Variants in LAMC1 observed in about 807,000 individuals in gnomAD.
The protein encoded by LAMC1 is laminin subunit gamma 1.
Under a neutral mutation model 173.6 loss-of-function variants are expected in LAMC1, and 38 were observed. The observed-to-expected ratio is 0.22, with a 90% CI of 0.17 to 0.29. The LOEUF is 0.29. Among genes scored for constraint, LAMC1 ranks in the 10% least tolerant of loss-of-function variants. LAMC1 has a pLI of 1.00. For synonymous variants in LAMC1, 746 were observed against 749.1 expected (o/e 1.00, Z 0.07); for missense variants, 1,824 against 2,051.8 (o/e 0.89, Z 2.14).
At chr1:183,111,970 C>T (rs530252458) in intron 4 of LAMC1, among the ~76,000 whole-genome samples, 4 of 152,204 alleles carry the variant, frequency 2.6e-5, no homozygotes, top group South Asian at 2.1e-4. Context: ...ACCTGGGAGG[C>T]GGAGGTTGCA....
chr1:183,137,538 A>C (rs1656980021), intron 25 of LAMC1, 131 bp from the exon 26 acceptor site: 1 of 478,826 alleles, frequency 2.1e-6, no homozygotes. Context: ...GTCATGAGAT[A>C]GTATAAATCA....
rs1214459303 is a variant in LAMC1 at position 183,142,831 on chromosome 1, G to T, written c.*41G>T. On this transcript the variant is annotated 3_prime_UTR_variant, in exon 28 of 28. Coordinates refer to ENST00000258341, the MANE Select transcript of LAMC1 (RefSeq NM_002293.4). ...AAGGCAGCATCCCTCTGACAGGGGG[G>T]CAGTTGTGAGGCCACAGAGTGCCTT... 2.6e-6 allele frequency: 4 copies of T among 1,563,532 alleles called. No individual in the cohort carries two copies. Among genetic ancestry groups the T allele is most frequent in the Admixed American group, 3.7e-5 (2 of 53,356 alleles).
chr1:183,059,835 C>T (rs3935384), intron 1 of LAMC1, among the ~76,000 whole-genome samples: 76,304 of 152,012 alleles, frequency 0.5, 19,793 homozygotes, highest in South Asian at 0.64. Context: ...TTACCACTTA[C>T]AAACTACGTG....
intron 1 of LAMC1, among the ~76,000 whole-genome samples, chr1:183,037,556 C>T (rs1229762479): frequency 6.6e-6 from 1 of 152,140 alleles, no homozygotes; most frequent in Non-Finnish European, 1.5e-5. Context: ...CTTTCTTTGT[C>T]AGTATTAACA....
intron 1 of LAMC1, among the ~76,000 whole-genome samples, chr1:183,030,611 A>G (rs1287594500): frequency 1.3e-5 from 2 of 152,170 alleles, no homozygotes; most frequent in Non-Finnish European, 1.5e-5. Flanking sequence ...TAAATGTAGT[A>G]TGTGGTTTTA....
At chr1:183,114,792 C>G in intron 5 of LAMC1, 73 bp downstream of exon 5, 1 of 1,462,800 alleles carries the variant, frequency 6.8e-7, no homozygotes, top group Middle Eastern at 2.2e-4. Flanking sequence ...AGCTTTGTTT[C>G]CAAGGCATTT....
intron 1 of LAMC1, among the ~76,000 whole-genome samples, chr1:183,080,183 G>A (rs1655232261): frequency 6.6e-6 from 1 of 152,166 alleles, no homozygotes; most frequent in South Asian, 2.1e-4. Context: ...AGCGGAGGTT[G>A]CAGTGAGCCG....
chr1:183,131,055 TC>T (rs1656770409), intron 19 of LAMC1, among the ~76,000 whole-genome samples: 1 of 151,222 alleles, frequency 6.6e-6, no homozygotes, highest in Non-Finnish European at 1.5e-5. Context: ...ATGCCTGTAA[TC>T]CCGGCTACTT....
In LAMC1 at chr1:183,115,778, G is replaced by A. The variant is rs980284310; in HGVS notation, c.1328+141G>A. On this transcript the variant is annotated intron_variant, in intron 6 of 27. Coordinates refer to ENST00000258341, the MANE Select transcript of LAMC1 (RefSeq NM_002293.4). ...AACAAGACTGAGGACTAGCTGTAAT[G>A]GTGAGCCACAAGGGGTTTGGCTTGT... 1.1e-5 allele frequency: 7 copies of A among 663,906 alleles called. No homozygotes were observed. The African/African-American group carries it at 1.3e-4, about 12-fold the overall frequency. The allele number at this position is 663,906 out of a possible 1,614,324, so 41.1% of individuals were successfully genotyped here.
chr1:183,085,835 T>C (rs1316660697), intron 1 of LAMC1, among the ~76,000 whole-genome samples: 1 of 152,254 alleles, frequency 6.6e-6, no homozygotes, highest in Non-Finnish European at 1.5e-5. Flanking sequence ...ATAATTGGTT[T>C]AGCCTCATAC....
chr1:183,024,488 C>T (rs2102001323), intron 1 of LAMC1, among the ~76,000 whole-genome samples: 1 of 152,280 alleles, frequency 6.6e-6, no homozygotes, highest in Non-Finnish European at 1.5e-5. Context: ...TCTTTGCTAG[C>T]AAGGTCATCA....
intron 1 of LAMC1, among the ~76,000 whole-genome samples, chr1:183,032,487 G>T (rs10911201): frequency 0.5 from 75,979 of 151,772 alleles, 19,684 homozygotes; most frequent in South Asian, 0.64. Flanking sequence ...GGAGGAGATA[G>T]TAATTCAAAA....
intron 1 of LAMC1, among the ~76,000 whole-genome samples, chr1:183,070,615 G>A (rs937798559): frequency 5.9e-5 from 9 of 152,290 alleles, no homozygotes; most frequent in Non-Finnish European, 1.2e-4. Flanking sequence ...AATAAATGCT[G>A]TATCTAGTTA....
chr1:183,044,847 A>G (rs1326580592), intron 1 of LAMC1, among the ~76,000 whole-genome samples: 1 of 151,880 alleles, frequency 6.6e-6, no homozygotes, highest in Non-Finnish European at 1.5e-5. Flanking sequence ...TTTTTAGGGT[A>G]GCAGATTTTC....
intron 1 of LAMC1, among the ~76,000 whole-genome samples, chr1:183,090,861 C>T (rs1655547889): frequency 6.6e-6 from 1 of 152,128 alleles, no homozygotes; most frequent in Admixed American, 6.6e-5. Context: ...AATGGTGTCA[C>T]TTTTTCCAAG....
chr1:183,140,401 C>A lies in LAMC1; in HGVS notation c.4474-3C>A, dbSNP rs755394873. 2 of 1,604,300 alleles carry A rather than the reference C, an allele frequency of 1.2e-6. No homozygotes were observed. The highest frequency in any genetic ancestry group is 1.7e-6 in the Non-Finnish European group (2 of 1,172,914). On this transcript the variant is annotated splice_region_variant and splice_polypyrimidine_tract_variant and intron_variant, in intron 26 of 27. Coordinates refer to ENST00000258341, the MANE Select transcript of LAMC1 (RefSeq NM_002293.4). The stretch of plus-strand genomic sequence containing the variant: ...GACTCTTTGCCTCATTTTTCCCTTA[C>A]AGGCTTCACAGGCTGCTCAAGAAGC...
rs1657211878 is a variant in LAMC1, at chr1:183,144,801, A to G, written c.*2011A>G. On this transcript the variant is annotated 3_prime_UTR_variant, in exon 28 of 28. Transcript: ENST00000258341. The stretch of plus-strand genomic sequence containing the variant: ...TGACTGAGCACTTAGGGCATCAGGA[A>G]CAGTGCTACTTACTGATGGGTAGAC... 1 of 152,222 alleles carries G rather than the reference A, an allele frequency of 6.6e-6. No homozygotes were observed. Among genetic ancestry groups the G allele is most frequent in the South Asian group, 2.1e-4 (1 of 4,824 alleles). 9.4% of individuals were successfully genotyped at this position (152,222 alleles called of 1,614,324 possible). A position where few individuals can be genotyped will look rare whatever the true frequency, so the allele number is the denominator to read the frequency against.
Position 183,140,412 on chromosome 1 carries a change from G to A in LAMC1, c.4482G>A (p.Gln1494=). Residue 1494 remains glutamine, a synonymous_variant, in exon 27 of 28, where the codon CAG becomes CAA. Coordinates refer to ENST00000258341, the MANE Select transcript of LAMC1 (RefSeq NM_002293.4). ...QDMMMAGMAS[Q]AAQEAEINAR... ...TCATTTTTCCCTTACAGGCTTCACA[G>A]GCTGCTCAAGAAGCCGAGATCAATG... 1 of 1,611,568 alleles carries A rather than the reference G, an allele frequency of 6.2e-7. No homozygotes were observed. Among genetic ancestry groups the A allele is most frequent in the South Asian group, 1.1e-5 (1 of 90,986 alleles).
chr1:183,127,505 GTGGTCC>G, intron 17 of LAMC1, 101 bp downstream of exon 17: 1 of 979,484 alleles, frequency 1.0e-6, no homozygotes, highest in South Asian at 1.6e-5. Context: ...CAAGGTAGAT[GTGGTCC>G]CTGTTCTTAA....
Sources: gnomAD v4.1 joint callset for allele counts (sites outside exome capture counted in the v4.1 genomes callset) on GRCh38, gnomAD v4.1.1 for gene constraint, MANE v1.5 for transcripts, NCBI Gene and HGNC (gene_info 2026-07-23, HGNC 2026-07-21) for gene names.